NUF2: variants seen among roughly 807,000 people sequenced by gnomAD.
NUF2 encodes the protein kinetochore protein Nuf2.
A neutral mutation model predicts 61.8 loss-of-function variants in NUF2; 34 were observed. The observed-to-expected ratio is 0.55, with a 90% CI of 0.42 to 0.73. The LOEUF (loss-of-function observed/expected upper bound fraction) is 0.73, where lower values mean the gene tolerates loss of function less well. Ranked by LOEUF, NUF2 falls within the 30% of genes least tolerant of loss-of-function variation. NUF2 has a pLI of 0.00. For synonymous variants in NUF2, 172 were observed against 181.6 expected (o/e 0.95, Z 0.42); for missense variants, 445 against 539.1 (o/e 0.83, Z 1.73).
chr1:163,327,472 T>C lies in NUF2; in HGVS notation c.124-16T>C. 2 of 1,504,920 alleles carry C rather than the reference T, an allele frequency of 1.3e-6. No individual in the cohort carries two copies. Among genetic ancestry groups the C allele is most frequent in the Non-Finnish European group, 1.8e-6 (2 of 1,081,670 alleles). The allele number at this position is 1,504,920 out of a possible 1,614,324, so 93.2% of individuals were successfully genotyped here. A position where few individuals can be genotyped will look rare whatever the true frequency, so the allele number is the denominator to read the frequency against. ...GAGTTATGCATCGGAGTATTCAAAG[T>C]TGTTTTTTGCTGTAGCCTGAAGTCT... On this transcript the variant is annotated splice_polypyrimidine_tract_variant and intron_variant, in intron 2 of 13. Transcript: ENST00000271452.
Position 163,324,910 on chromosome 1 carries a change from T to TTC in NUF2, c.-20-1121_-20-1120insCT, listed in dbSNP as rs1172901974. Reference sequence around the variant, plus strand: ...TCTTTTCTTTTCTTTCTTTTTTTTTTTTTTTTTTGACACAGGGTCTCTGTC... The same window carrying TTC: ...TCTTTTCTTTTCTTTCTTTTTTTTTTTCTTTTTTTTGACACAGGGTCTCTGTC... On this transcript the variant is annotated intron_variant, in intron 1 of 13. Transcript: ENST00000271452. 2.7e-5 allele frequency among the ~76,000 whole-genome samples: 4 copies of TTC among 150,114 alleles called. No individual in the cohort carries two copies. The East Asian group carries it at 7.8e-4, about 29-fold the overall frequency.
At chr1:163,326,540 A>T (rs1034272249) in intron 2 of NUF2, among the ~76,000 whole-genome samples, 2 of 152,156 alleles carry the variant, frequency 1.3e-5, no homozygotes, top group African/African-American at 4.8e-5. Context: ...ACCACAAAAA[A>T]TGCTTAGAAA....
intron 9 of NUF2, among the ~76,000 whole-genome samples, chr1:163,340,720 T>C (rs1022058): frequency 0.42 from 63,241 of 152,038 alleles, 13,543 homozygotes; most frequent in South Asian, 0.59. Context: ...ATAAATGATA[T>C]TAGGCTCAAT....
At chr1:163,333,088 G>A (rs549209161) in intron 5 of NUF2, among the ~76,000 whole-genome samples, 1 of 152,292 alleles carries the variant, frequency 6.6e-6, no homozygotes, top group African/African-American at 2.4e-5. Flanking sequence ...AGCTATGATT[G>A]TGAGTTTGTC....
intron 1 of NUF2, among the ~76,000 whole-genome samples, chr1:163,324,636 A>G (rs565139611): frequency 6.6e-6 from 1 of 152,146 alleles, no homozygotes; most frequent in African/African-American, 2.4e-5. Flanking sequence ...AGAGTAGGGG[A>G]TCTGAAGGTA....
rs746854962 is a variant in NUF2 at position 163,355,376 on chromosome 1, C to T, written c.1302C>T (p.His434=). The change falls in exon 14 of 14, where the codon CAC becomes CAT. Residue 434 remains histidine (H), a synonymous_variant. Transcript: ENST00000271452. The part of the protein sequence containing the change: ...LNLKTALEKY[H]DGIEKAAEDS... Reference sequence around the variant, plus strand: ...TGAAAACTGCTTTGGAGAAATACCACGACGGTATTGAAAAGGCAGCAGAGG... The same window carrying T: ...TGAAAACTGCTTTGGAGAAATACCATGACGGTATTGAAAAGGCAGCAGAGG... 10 of 1,606,574 alleles carry T rather than the reference C, an allele frequency of 6.2e-6. No individual in the cohort carries two copies. The highest frequency in any genetic ancestry group is 1.7e-4 in the Middle Eastern group (1 of 6,056).
At chr1:163,340,952 A>G (rs754744319) in intron 9 of NUF2, among the ~76,000 whole-genome samples, 1 of 152,182 alleles carries the variant, frequency 6.6e-6, no homozygotes, top group Non-Finnish European at 1.5e-5. Flanking sequence ...ATATGTACAT[A>G]CATACATTTC....
In NUF2 at chr1:163,338,082, G is replaced by A. The variant is rs1467454730; in HGVS notation, c.498G>A (p.Leu166=). 2 of 1,611,788 alleles carry A rather than the reference G, an allele frequency of 1.2e-6. No homozygotes were observed. Among genetic ancestry groups the A allele is most frequent in the Admixed American group, 1.7e-5 (1 of 59,968 alleles). ...NAAHQEALMK[L]ERLDSVPVEE... is the part of the protein sequence containing the mutation. ...CACACCAGGAGGCATTAATGAAACT[G>A]GAGAGACTTGAGTAAGTGGGAGATT... Residue 166 remains leucine (L), a synonymous_variant, in exon 7 of 14, where the codon CTG becomes CTA. Transcript: ENST00000271452.
chr1:163,335,731 C>A (rs558396298), intron 5 of NUF2, among the ~76,000 whole-genome samples: 1 of 152,210 alleles, frequency 6.6e-6, no homozygotes, highest in South Asian at 2.1e-4. Context: ...ATTCCAATTA[C>A]ACATTAGTTA....
chr1:163,340,337 A>G, intron 8 of NUF2, 27 bp from the exon 9 acceptor site: 10 of 1,566,888 alleles, frequency 6.4e-6, no homozygotes, highest in Non-Finnish European at 8.8e-6. Context: ...TTGAATCATT[A>G]TAAAACGTGT....
At chr1:163,333,653 C>T (rs776018373) in intron 5 of NUF2, among the ~76,000 whole-genome samples, 16 of 151,906 alleles carry the variant, frequency 1.1e-4, no homozygotes, top group Non-Finnish European at 1.8e-4. Context: ...TTTAACATAC[C>T]ATTGTCTATC....
intron 3 of NUF2, 78 bp downstream of exon 3, chr1:163,327,640 A>G (rs1026052372): frequency 3.5e-6 from 3 of 859,622 alleles, no homozygotes; most frequent in Non-Finnish European, 5.9e-6. Context: ...TTCTGCTTAC[A>G]ATGCATACTG....
intron 5 of NUF2, among the ~76,000 whole-genome samples, chr1:163,332,352 T>C (rs1007894823): frequency 6.6e-6 from 1 of 152,188 alleles, no homozygotes; most frequent in African/African-American, 2.4e-5. Context: ...CTTTGTATCA[T>C]TTGAATCCAT....
intron 10 of NUF2, among the ~76,000 whole-genome samples, chr1:163,344,862 G>A (rs1310121890): frequency 6.6e-6 from 1 of 151,820 alleles, no homozygotes; most frequent in Non-Finnish European, 1.5e-5. Context: ...AAACAGTTCT[G>A]GCTCAATTAG....
At chr1:163,349,829 A>C (rs1462493375) in intron 13 of NUF2, among the ~76,000 whole-genome samples, 1 of 152,152 alleles carries the variant, frequency 6.6e-6, no homozygotes, top group Non-Finnish European at 1.5e-5. Flanking sequence ...GAAGAGGGAA[A>C]CTGGAAGGAA....
intron 1 of NUF2, 30 bp from the exon 2 acceptor site, chr1:163,326,002 G>T: frequency 1.3e-6 from 2 of 1,563,398 alleles, no homozygotes; most frequent in Non-Finnish European, 1.8e-6. Context: ...CTGATCATGT[G>T]GTATTTCTCA....
intron 12 of NUF2, among the ~76,000 whole-genome samples, 161 bp from the exon 13 acceptor site, chr1:163,348,784 C>T (rs763011036): frequency 6.6e-6 from 1 of 152,066 alleles, no homozygotes; most frequent in Admixed American, 6.6e-5. Context: ...GATTATAGTA[C>T]CACACTTTGG....
intron 2 of NUF2, among the ~76,000 whole-genome samples, chr1:163,327,139 C>CACAT (rs1557946360): frequency 2.0e-5 from 3 of 146,624 alleles, no homozygotes; most frequent in Non-Finnish European, 3.0e-5. Flanking sequence ...CACACACACA[C>CACAT]ACATTTTCCA....
At position 163,343,720 on chromosome 1, in the gene NUF2, G is replaced by A. The variant is rs1651022320; in HGVS notation, c.670-13G>A. 3 of 1,288,606 alleles carry A rather than the reference G, an allele frequency of 2.3e-6. No homozygotes were observed. The highest frequency in any genetic ancestry group is 3.1e-5 in the African/African-American group (2 of 64,112). The allele number at this position is 1,288,606 out of a possible 1,614,324, so 79.8% of individuals were successfully genotyped here. On this transcript the variant is annotated splice_polypyrimidine_tract_variant and intron_variant, in intron 9 of 13. Coordinates refer to ENST00000271452, the MANE Select transcript of NUF2 (RefSeq NM_145697.3). ...TTTATTATATCTAATATATAAAAAT[G>A]TTTTCTCAACAGAATGAACTAAAAT...
Sources: gnomAD v4.1 joint callset for allele counts (sites outside exome capture counted in the v4.1 genomes callset) on GRCh38, gnomAD v4.1.1 for gene constraint, MANE v1.5 for transcripts, NCBI Gene and HGNC (gene_info 2026-07-23, HGNC 2026-07-21) for gene names.